Variants in JAKMIP2 observed in about 807,000 individuals in gnomAD.
JAKMIP2 encodes janus kinase and microtubule interacting protein 2, also known as janus kinase and microtubule-interacting protein 2.
JAKMIP2 carries 25 observed loss-of-function variants against 115.0 expected under a neutral mutation model. The ratio of observed to expected loss-of-function variants is 0.22; its 90% confidence interval spans 0.16 to 0.30. The LOEUF (loss-of-function observed/expected upper bound fraction) is 0.30. Ranked by LOEUF, JAKMIP2 falls within the 10% of genes least tolerant of loss-of-function variation. JAKMIP2 has a pLI of 1.00. For missense variants in JAKMIP2, 642 were observed against 957.6 expected, an observed-to-expected ratio of 0.67 and a Z score of 4.35; for synonymous variants, 334 against 343.6, an observed-to-expected ratio of 0.97 and a Z score of 0.31.
At chr5:147,662,528 G>A (rs1644601238) in intron 2 of JAKMIP2, among the ~76,000 whole-genome samples, 1 of 152,012 alleles carries the variant, frequency 6.6e-6, no homozygotes, top group Non-Finnish European at 1.5e-5. Context: ...ATCAGGTGGG[G>A]CCCAGACATT....
intron 1 of JAKMIP2, among the ~76,000 whole-genome samples, chr5:147,711,361 T>G (rs567161711): frequency 3.9e-5 from 6 of 152,316 alleles, no homozygotes; most frequent in African/African-American, 1.4e-4. Context: ...TTATTTTGCA[T>G]TGGGTACTTT....
At chr5:147,721,014 C>G (rs567583960) in intron 1 of JAKMIP2, among the ~76,000 whole-genome samples, 13 of 151,498 alleles carry the variant, frequency 8.6e-5, no homozygotes, top group Admixed American at 2.6e-4. Flanking sequence ...TGGTGATGTA[C>G]AGATGGGTTT....
chr5:147,719,951 C>G (rs997998056), intron 1 of JAKMIP2, among the ~76,000 whole-genome samples: 3 of 152,090 alleles, frequency 2.0e-5, no homozygotes, highest in Non-Finnish European at 4.4e-5. Flanking sequence ...TCTTGATGGT[C>G]TTTACATTTT....
chr5:147,738,095 TAAAAA>T (rs1753993064), intron 1 of JAKMIP2, among the ~76,000 whole-genome samples: 1 of 152,160 alleles, frequency 6.6e-6, no homozygotes, highest in Admixed American at 6.5e-5. Flanking sequence ...GTATGAGCCA[TAAAAA>T]GGGTTTTTAT....
At chr5:147,760,098 G>T (rs1322930834) in intron 1 of JAKMIP2, among the ~76,000 whole-genome samples, 2 of 152,196 alleles carry the variant, frequency 1.3e-5, no homozygotes, top group Non-Finnish European at 2.9e-5. Context: ...CTAAAATGGA[G>T]AGAAAGAAGG....
intron 1 of JAKMIP2, among the ~76,000 whole-genome samples, chr5:147,767,649 G>GA: frequency 6.6e-6 from 1 of 152,066 alleles, no homozygotes; most frequent in African/African-American, 2.4e-5. Context: ...ATTAAATACA[G>GA]AAAAAATAAT....
chr5:147,630,649 A>T (rs771366619), intron 14 of JAKMIP2, among the ~76,000 whole-genome samples: 2 of 152,092 alleles, frequency 1.3e-5, no homozygotes, highest in Admixed American at 6.5e-5. Context: ...GCTCAATCTC[A>T]TAAGTACAGA....
At chr5:147,686,335 T>TGG (rs112626855) in intron 1 of JAKMIP2, among the ~76,000 whole-genome samples, 4 of 151,852 alleles carry the variant, frequency 2.6e-5, no homozygotes, top group African/African-American at 9.7e-5. Context: ...TCAGTGTTGG[T>TGG]GGGGGGGCAC....
Position 147,720,824 on chromosome 5 carries a change from C to T in JAKMIP2, c.-148-48870G>A, listed in dbSNP as rs906862882. On this transcript the variant is annotated intron_variant, in intron 1 of 21. Transcript: ENST00000616793. ...CTCCCGTAGCTCAGAGTAATTTGAT[C>T]ATCTGAAGCCTTCTTCTCTCAGCTC... 5.9e-4 allele frequency among the ~76,000 whole-genome samples: 90 copies of T among 152,224 alleles called. 1 individual carries two copies. The East Asian group carries it at 0.017, about 29-fold the overall frequency.
chr5:147,728,214 A>T (rs1753594553), intron 1 of JAKMIP2, among the ~76,000 whole-genome samples: 1 of 152,072 alleles, frequency 6.6e-6, no homozygotes, highest in Non-Finnish European at 1.5e-5. Context: ...GCACATTTGG[A>T]TTGGGAGAAG....
intron 1 of JAKMIP2, among the ~76,000 whole-genome samples, chr5:147,709,781 G>A (rs910253990): frequency 3.9e-5 from 6 of 152,068 alleles, no homozygotes; most frequent in Non-Finnish European, 7.4e-5. Flanking sequence ...TCCGGGAGGC[G>A]GAGGTTAAAG....
intron 20 of JAKMIP2, among the ~76,000 whole-genome samples, chr5:147,603,377 C>T (rs139563460): frequency 1.3e-5 from 2 of 152,268 alleles, no homozygotes; most frequent in East Asian, 3.9e-4. Flanking sequence ...AGATATTATG[C>T]TCTAGATAAG....
intron 19 of JAKMIP2, among the ~76,000 whole-genome samples, chr5:147,617,700 C>T (rs1438267401): frequency 6.6e-6 from 1 of 152,206 alleles, no homozygotes; most frequent in Non-Finnish European, 1.5e-5. Context: ...TTCAGTCCTT[C>T]TGAAATGCCA....
rs1580922495 is a variant in JAKMIP2 at position 147,782,577 on chromosome 5, T to C, written c.-270A>G. The C allele has an allele frequency of 1.9e-6, 2 of 1,050,218 alleles. No homozygotes were observed. Among genetic ancestry groups the C allele is most frequent in the African/African-American group, 3.1e-5 (2 of 63,518 alleles). 65.1% of individuals were successfully genotyped at this position (1,050,218 alleles called of 1,614,324 possible). ...ATCAGCAGTGGCTGCCGGTTTTTTTTTTCCCTCTGTCTCTGGTTGGCGATG... is the reference window on the plus strand; with the variant it reads ...ATCAGCAGTGGCTGCCGGTTTTTTTCTTCCCTCTGTCTCTGGTTGGCGATG... On this transcript the variant is annotated 5_prime_UTR_variant, in exon 1 of 22. Transcript: ENST00000616793.
At chr5:147,712,880 C>A (rs1042915210) in intron 1 of JAKMIP2, among the ~76,000 whole-genome samples, 10 of 152,258 alleles carry the variant, frequency 6.6e-5, no homozygotes, top group African/African-American at 2.2e-4. Context: ...AAGTAGTAAC[C>A]TTTTAGAGAA....
chr5:147,631,523 G>C lies in JAKMIP2; in HGVS notation c.1777-12C>G. On this transcript the variant is annotated splice_polypyrimidine_tract_variant and intron_variant, in intron 13 of 21. Coordinates refer to ENST00000616793, the MANE Select transcript of JAKMIP2 (RefSeq NM_001270941.2). The stretch of plus-strand genomic sequence containing the variant: ...CGTCTCTCTCTCTCCTTGAAACACA[G>C]TGAAGAATATATGGAAATTAAAAAC... The C allele has an allele frequency of 6.5e-7, 1 of 1,529,612 alleles. No homozygotes were observed. Among genetic ancestry groups the C allele is most frequent in the East Asian group, 2.3e-5 (1 of 44,364 alleles). 94.8% of individuals were successfully genotyped at this position (1,529,612 alleles called of 1,614,324 possible). A position where few individuals can be genotyped will look rare whatever the true frequency, so the allele number is the denominator to read the frequency against.
chr5:147,712,934 A>G (rs1752838297), intron 1 of JAKMIP2, among the ~76,000 whole-genome samples: 1 of 152,204 alleles, frequency 6.6e-6, no homozygotes, highest in African/African-American at 2.4e-5. Context: ...CATAAATCCA[A>G]GTAATTCTAG....
intron 1 of JAKMIP2, among the ~76,000 whole-genome samples, chr5:147,706,982 T>A (rs994805785): frequency 6.6e-6 from 1 of 152,192 alleles, no homozygotes; most frequent in Admixed American, 6.5e-5. Context: ...TCAAAGCTAA[T>A]GTATTTACCT....
chr5:147,689,180 C>T (rs575307905), intron 1 of JAKMIP2, among the ~76,000 whole-genome samples: 1 of 151,994 alleles, frequency 6.6e-6, no homozygotes, highest in South Asian at 2.1e-4. Context: ...TTCAGGGAGC[C>T]GGGGAGGCTG....
Sources: allele counts gnomAD v4.1 joint callset (sites outside exome capture counted in the v4.1 genomes callset), GRCh38; gene constraint gnomAD v4.1.1; transcripts MANE v1.5; gene names NCBI Gene and HGNC (gene_info 2026-07-23, HGNC 2026-07-21).